Variants in PCLO observed in about 807,000 individuals in gnomAD.
PCLO encodes the protein piccolo presynaptic cytomatrix protein, also known as protein piccolo.
PCLO carries 82 observed loss-of-function variants against 427.5 expected under a neutral mutation model. The observed-to-expected ratio is 0.19, with a 90% CI of 0.16 to 0.23. The LOEUF (loss-of-function observed/expected upper bound fraction) is 0.23, where lower values mean the gene tolerates loss of function less well. PCLO is among the 10% of genes least tolerant of loss of function. PCLO has a pLI of 1.00. For missense variants in PCLO, 6,239 were observed against 6,115.9 expected (o/e 1.02, Z -0.67); for synonymous variants, 2,357 against 2,155.4 (o/e 1.09, Z -2.59).
Position 82,902,850 on chromosome 7 carries a change from C to T in PCLO, c.13438-109G>A, listed in dbSNP as rs546964177. On this transcript the variant is annotated intron_variant, in intron 8 of 24. Coordinates refer to ENST00000333891, the MANE Select transcript of PCLO (RefSeq NM_033026.6). ...AAGCACATTGATTAAATCAATGGAA[C>T]GTAGTAGGAGATTCTCACATGATGG... 3.2e-4 allele frequency: 199 copies of T among 622,018 alleles called. 1 individual carries two copies. The East Asian group carries it at 5.0e-3, about 16-fold the overall frequency. 38.5% of individuals were successfully genotyped at this position (622,018 alleles called of 1,614,324 possible).
chr7:82,887,931 G>A (rs931000426), intron 9 of PCLO, among the ~76,000 whole-genome samples: 10 of 152,002 alleles, frequency 6.6e-5, no homozygotes, highest in South Asian at 2.1e-4. Flanking sequence ...TTAGCCAGTC[G>A]TGGTGGCAGG....
At chr7:82,783,212 G>A (rs1195736165) in intron 22 of PCLO, among the ~76,000 whole-genome samples, 1 of 152,166 alleles carries the variant, frequency 6.6e-6, no homozygotes, top group Non-Finnish European at 1.5e-5. Flanking sequence ...TCTTAGTATG[G>A]CCACCAGTAA....
In PCLO at chr7:82,824,357, G is replaced by C; in HGVS notation, c.14475C>G (p.Leu4825=). 1 of 1,612,808 alleles carries C rather than the reference G, an allele frequency of 6.2e-7. No homozygotes were observed. Among genetic ancestry groups the C allele is most frequent in the Non-Finnish European group, 8.5e-7 (1 of 1,179,226 alleles). Reference sequence around the variant, plus strand: ...GATCAATGCTTTCAGTCTGTTCTTTGAGAGGATACCACCTTGGAGTGTTAT... The same window carrying C: ...GATCAATGCTTTCAGTCTGTTCTTTCAGAGGATACCACCTTGGAGTGTTAT... ...HLDNTPRWYP[L]KEQTESIDHG... Residue 4825 remains leucine (L), a synonymous_variant, in exon 19 of 25, where the codon CTC becomes CTG. Coordinates refer to ENST00000333891, the MANE Select transcript of PCLO (RefSeq NM_033026.6).
intron 3 of PCLO, among the ~76,000 whole-genome samples, chr7:83,039,971 A>G (rs1583944827): frequency 2.0e-5 from 3 of 152,170 alleles, no homozygotes; most frequent in Non-Finnish European, 4.4e-5. Context: ...TGCATTGTTC[A>G]TTGCAAATAC....
intron 10 of PCLO, among the ~76,000 whole-genome samples, chr7:82,872,003 C>G (rs1793250158): frequency 6.6e-6 from 1 of 151,756 alleles, no homozygotes; most frequent in African/African-American, 2.4e-5. Flanking sequence ...TGAAATGTAA[C>G]ATTTTACAGT....
chr7:83,150,278 A>C (rs1792097117), intron 2 of PCLO, among the ~76,000 whole-genome samples: 1 of 152,206 alleles, frequency 6.6e-6, no homozygotes, highest in Non-Finnish European at 1.5e-5. Context: ...TGCATGCCCA[A>C]AGAGAGGACA....
Position 83,156,313 on chromosome 7 carries a change from G to C in PCLO, c.328C>G (p.Leu110Val). ...PDPGRPAQPG[L>V]SKSRTTDTFR... ...GTGTCTGTAGTTCTACTTTTACTGA[G>C]ACCAGGTTGAGCTGGACGCCCAGGG... The change falls in exon 2 of 25, where the codon CTC becomes GTC. Residue 110 changes from leucine to valine, a missense_variant. This residue lies in a region of PCLO where 4,677 missense variants were observed against 4,468.4 expected (regional missense o/e 1.05). Coordinates refer to ENST00000333891, the MANE Select transcript of PCLO (RefSeq NM_033026.6). 6.2e-7 allele frequency: 1 copy of C among 1,612,954 alleles called. No individual in the cohort carries two copies. The highest frequency in any genetic ancestry group is 8.5e-7 in the Non-Finnish European group (1 of 1,179,654).
intron 3 of PCLO, among the ~76,000 whole-genome samples, chr7:83,024,128 C>A (rs144720248): frequency 6.6e-6 from 1 of 152,174 alleles, no homozygotes; most frequent in South Asian, 2.1e-4. Flanking sequence ...GGAACAGCTC[C>A]GGTCTACAGC....
In PCLO at chr7:82,826,605, T is replaced by C. The variant is rs1460519845; in HGVS notation, c.14399A>G (p.Asn4800Ser). The C allele has an allele frequency of 6.2e-7, 1 of 1,606,364 alleles. No individual in the cohort carries two copies. Among genetic ancestry groups the C allele is most frequent in the Non-Finnish European group, 8.5e-7 (1 of 1,175,056 alleles). Residue 4800 changes from asparagine (N) to serine (S), a missense_variant, in exon 18 of 25, where the codon AAC (asparagine) becomes AGC (serine). Around this residue, in one of 5 missense-constraint regions of PCLO, gnomAD observed 877 missense variants for 925.5 expected, o/e 0.95. Transcript: ENST00000333891. ...TVWDYDRFSS[N>S]DFLGEVLIDL... ...GAGGCTTACCTCCCCAAGGAAGTCG[T>C]TGGATGAAAATCTATCATAATCCCA...
intron 6 of PCLO, among the ~76,000 whole-genome samples, chr7:82,932,596 T>C (rs1047917536): frequency 3.3e-5 from 5 of 152,034 alleles, no homozygotes; most frequent in African/African-American, 1.2e-4. Flanking sequence ...GAAGGAGAAG[T>C]AATAATTATG....
At chr7:83,125,698 A>G (rs1270953284) in intron 3 of PCLO, among the ~76,000 whole-genome samples, 1 of 152,150 alleles carries the variant, frequency 6.6e-6, no homozygotes, top group Non-Finnish European at 1.5e-5. Context: ...ATGCTCCTTA[A>G]GAGTCATCGC....
At chr7:83,085,806 A>AT (rs1376721841) in intron 3 of PCLO, among the ~76,000 whole-genome samples, 5 of 145,160 alleles carry the variant, frequency 3.4e-5, no homozygotes, top group South Asian at 4.1e-4. Flanking sequence ...TTTGTATGCT[A>AT]TTTTTTTATT....
Position 82,756,822 on chromosome 7 carries a change from T to C in PCLO, c.*1753A>G, listed in dbSNP as rs2129467403. On this transcript the variant is annotated 3_prime_UTR_variant, in exon 25 of 25. Transcript: ENST00000333891. The stretch of plus-strand genomic sequence containing the variant: ...TTCATTTAATTTGGGATAGCAAAAT[T>C]TGCATTTTCATGTAATTCTTCACCT... The C allele has an allele frequency of 6.6e-6, 1 of 152,118 alleles. No homozygotes were observed. The highest frequency in any genetic ancestry group is 3.4e-3 in the Middle Eastern group (1 of 294). The allele number at this position is 152,118 out of a possible 1,614,324, so 9.4% of individuals were successfully genotyped here. A position where few individuals can be genotyped will look rare whatever the true frequency, so the allele number is the denominator to read the frequency against.
At chr7:83,007,256 C>T (rs1196831254) in intron 3 of PCLO, among the ~76,000 whole-genome samples, 2 of 151,470 alleles carry the variant, frequency 1.3e-5, no homozygotes, top group Non-Finnish European at 3.0e-5. Context: ...AACACAACTT[C>T]ACAGGTAATC....
At position 82,949,813 on chromosome 7, in the gene PCLO, C is replaced by G. The variant is rs778838697; in HGVS notation, c.10775G>C (p.Arg3592Pro). 2.5e-6 allele frequency: 4 copies of G among 1,613,634 alleles called. No homozygotes were observed. Among genetic ancestry groups the G allele is most frequent in the Admixed American group, 3.3e-5 (2 of 59,966 alleles). The change falls in exon 6 of 25, where the codon CGC becomes CCC. Residue 3592 changes from arginine (R) to proline (P), a missense_variant. Arg to Pro is a moderately radical substitution (Grantham distance 103). Coordinates refer to ENST00000333891, the MANE Select transcript of PCLO (RefSeq NM_033026.6). Reference protein sequence around the residue: ...SATSPPKDKKRPTPLEIGYSS... With the variant: ...SATSPPKDKKPPTPLEIGYSS... Reference sequence around the variant, plus strand: ...ATAACCAATCTCTAAAGGTGTTGGGCGTTTCTTGTCTTTGGGTGGAGATGT... The same window carrying G: ...ATAACCAATCTCTAAAGGTGTTGGGGGTTTCTTGTCTTTGGGTGGAGATGT...
At chr7:82,940,291 C>A (rs1584186759) in intron 6 of PCLO, among the ~76,000 whole-genome samples, 1 of 152,226 alleles carries the variant, frequency 6.6e-6, no homozygotes, top group Middle Eastern at 3.4e-3. Context: ...TGATTTCTAT[C>A]ATTTTAATAC....
intron 3 of PCLO, among the ~76,000 whole-genome samples, chr7:83,046,495 A>G (rs528995319): frequency 3.3e-5 from 5 of 152,200 alleles, no homozygotes; most frequent in Non-Finnish European, 5.9e-5. Flanking sequence ...ACTTTTTCAA[A>G]AAGAATCTGA....
chr7:82,971,964 TTA>T (rs542663942), intron 3 of PCLO, among the ~76,000 whole-genome samples: 140 of 151,898 alleles, frequency 9.2e-4, no homozygotes, highest in African/African-American at 3.3e-3. Flanking sequence ...CAATAAAAGT[TTA>T]TGTTTCATCT....
intron 20 of PCLO, among the ~76,000 whole-genome samples, chr7:82,810,064 A>G: frequency 6.6e-6 from 1 of 151,514 alleles, no homozygotes; most frequent in East Asian, 1.9e-4. Flanking sequence ...ACTATTACAG[A>G]CTCTAGAACT....
Sources: gnomAD v4.1 joint callset for allele counts (sites outside exome capture counted in the v4.1 genomes callset) on GRCh38, gnomAD v4.1.1 for gene constraint, gnomAD v4.1.1 regional missense constraint, MANE v1.5 for transcripts, NCBI Gene and HGNC (gene_info 2026-07-23, HGNC 2026-07-21) for gene names.